The following MYT1L variants were observed in gnomAD, a reference collection of about 807,000 sequenced individuals.
The protein encoded by MYT1L is myelin transcription factor 1 like.
Under a neutral mutation model 126.7 loss-of-function variants are expected in MYT1L, and 12 were observed. The ratio of observed to expected loss-of-function variants is 0.09; its 90% CI spans 0.06 to 0.15. MYT1L has a LOEUF of 0.15. Among genes scored for constraint, MYT1L ranks in the 10% least tolerant of loss-of-function variants. The pLI is 1.00. For missense variants in MYT1L, 979 were observed against 1,585.2 expected, an observed-to-expected ratio of 0.62 and a Z score of 6.49; for synonymous variants, 541 against 604.2, an observed-to-expected ratio of 0.90 and a Z score of 1.53.
chr2:1,916,761 C>A (rs2052902352), intron 11 of MYT1L, among the ~76,000 whole-genome samples: 1 of 152,164 alleles, frequency 6.6e-6, no homozygotes, highest in East Asian at 1.9e-4. Flanking sequence ...TCTAAATATG[C>A]ATTTGGATGA....
At chr2:1,976,120 A>G (rs1243797918) in intron 8 of MYT1L, among the ~76,000 whole-genome samples, 2 of 43,146 alleles carry the variant, frequency 4.6e-5, no homozygotes, top group Non-Finnish European at 7.9e-5. Context: ...TTAAAAGACC[A>G]AAAAAAAAAA....
intron 8 of MYT1L, among the ~76,000 whole-genome samples, chr2:1,967,474 C>T (rs2059457108): frequency 1.3e-5 from 2 of 152,222 alleles, no homozygotes; most frequent in South Asian, 2.1e-4. Context: ...GGTTCAGCCC[C>T]GGAATCTCCT....
At chr2:2,198,684 C>T (rs1572382847) in intron 2 of MYT1L, among the ~76,000 whole-genome samples, 1 of 151,970 alleles carries the variant, frequency 6.6e-6, no homozygotes, top group East Asian at 1.9e-4. Flanking sequence ...TGGTGAAACC[C>T]CATCTCTACT....
intron 3 of MYT1L, among the ~76,000 whole-genome samples, chr2:2,084,049 ATGG>A (rs2076115173): frequency 6.6e-6 from 1 of 151,154 alleles, no homozygotes; most frequent in Non-Finnish European, 1.5e-5. Flanking sequence ...CTAACAAGGA[ATGG>A]AAAGTTCAGT....
chr2:2,124,177 G>T (rs1403309721), intron 3 of MYT1L, among the ~76,000 whole-genome samples: 1 of 152,180 alleles, frequency 6.6e-6, no homozygotes, highest in Non-Finnish European at 1.5e-5. Context: ...AGTTTCTTTG[G>T]CCTGAAGAGG....
intron 10 of MYT1L, among the ~76,000 whole-genome samples, chr2:1,918,116 G>A (rs2053107516): frequency 1.3e-5 from 2 of 152,110 alleles, no homozygotes; most frequent in South Asian, 2.1e-4. Context: ...CAGCCCTGTC[G>A]GCTTCTCTGC....
intron 10 of MYT1L, among the ~76,000 whole-genome samples, chr2:1,920,294 C>CAAACA (rs998994390): frequency 2.6e-5 from 4 of 152,266 alleles, no homozygotes; most frequent in Admixed American, 2.6e-4. Context: ...CATTTTCTTG[C>CAAACA]AAACAAAACA....
chr2:2,173,352 C>G (rs2090319815), intron 2 of MYT1L, among the ~76,000 whole-genome samples: 1 of 152,140 alleles, frequency 6.6e-6, no homozygotes, highest in African/African-American at 2.4e-5. Context: ...AATTAGAAAA[C>G]AATTTAATAG....
intron 3 of MYT1L, among the ~76,000 whole-genome samples, chr2:2,064,739 T>C (rs1362800777): frequency 6.6e-6 from 1 of 152,242 alleles, no homozygotes; most frequent in African/African-American, 2.4e-5. Flanking sequence ...AAAAGACAGA[T>C]ATTTCTATTT....
intron 19 of MYT1L, among the ~76,000 whole-genome samples, chr2:1,850,212 C>A (rs1572856565): frequency 1.5e-5 from 1 of 67,032 alleles, no homozygotes; most frequent in Non-Finnish European, 2.8e-5. Flanking sequence ...TCCTTCCTTC[C>A]TTCCTTCCTT....
intron 18 of MYT1L, among the ~76,000 whole-genome samples, chr2:1,871,005 G>T (rs76437693): frequency 6.6e-5 from 10 of 152,120 alleles, no homozygotes; most frequent in South Asian, 2.1e-4. Flanking sequence ...CGGGATCCAC[G>T]AACAATTTTA....
intron 4 of MYT1L, among the ~76,000 whole-genome samples, chr2:2,046,419 T>C (rs1414933162): frequency 6.6e-6 from 1 of 152,240 alleles, no homozygotes; most frequent in Non-Finnish European, 1.5e-5. Flanking sequence ...CTCCTATGGA[T>C]GAATATTTGT....
intron 2 of MYT1L, among the ~76,000 whole-genome samples, chr2:2,263,991 C>T (rs1559494886): frequency 6.6e-6 from 1 of 152,084 alleles, no homozygotes; most frequent in Non-Finnish European, 1.5e-5. Context: ...ACCGCTAATA[C>T]TTAAGTGATA....
At position 2,060,555 on chromosome 2, in the gene MYT1L, G is replaced by C. The variant is rs1240720350; in HGVS notation, c.-303-6432C>G. 2.6e-5 allele frequency among the ~76,000 whole-genome samples: 4 copies of C among 152,044 alleles called. No homozygotes were observed. The East Asian group carries it at 7.7e-4, about 29-fold the overall frequency. ...ATGATATATCCTGTAATGAAAAGTA[G>C]GCATAAAATGACATTCTGTTTGAAA... On this transcript the variant is annotated intron_variant, in intron 3 of 24. Coordinates refer to ENST00000647738, the MANE Select transcript of MYT1L (RefSeq NM_001303052.2).
intron 2 of MYT1L, among the ~76,000 whole-genome samples, chr2:2,277,813 C>T (rs532169632): frequency 6.6e-5 from 10 of 152,236 alleles, no homozygotes; most frequent in African/African-American, 2.4e-4. Context: ...AAAATACCCA[C>T]GATACAGCCA....
intron 3 of MYT1L, among the ~76,000 whole-genome samples, chr2:2,079,317 CTATAT>C (rs1157897739): frequency 1.3e-5 from 2 of 151,990 alleles, no homozygotes; most frequent in African/African-American, 4.8e-5. Context: ...ATACTAAAAG[CTATAT>C]TATATTGTTT....
chr2:2,107,817 T>C (rs1456885918), intron 3 of MYT1L, among the ~76,000 whole-genome samples: 2 of 152,208 alleles, frequency 1.3e-5, no homozygotes, highest in Admixed American at 6.5e-5. Context: ...CATGGGAGAA[T>C]AGGCGCGTGC....
chr2:1,803,563 T>C (rs2035211605), intron 22 of MYT1L, among the ~76,000 whole-genome samples: 1 of 152,246 alleles, frequency 6.6e-6, no homozygotes, highest in African/African-American at 2.4e-5. Flanking sequence ...CAAATAAAAG[T>C]CTTGATACGG....
At chr2:2,154,892 T>A (rs1368190126) in intron 3 of MYT1L, among the ~76,000 whole-genome samples, 3 of 152,180 alleles carry the variant, frequency 2.0e-5, no homozygotes, top group African/African-American at 7.2e-5. Context: ...TTTGGGAGGC[T>A]GAGGCAGGCA....
Sources: gnomAD v4.1 joint callset for allele counts (sites outside exome capture counted in the v4.1 genomes callset) on GRCh38, gnomAD v4.1.1 for gene constraint, MANE v1.5 for transcripts, NCBI Gene and HGNC (gene_info 2026-07-23, HGNC 2026-07-21) for gene names.